Variants in ZNF521 observed in about 807,000 individuals in gnomAD.
ZNF521 encodes LYST-interacting protein 3.
In ZNF521, 14 loss-of-function variants were observed where a neutral mutation model predicts 105.5. That is an observed-to-expected ratio of 0.13 (90% CI 0.09 to 0.21). The LOEUF is 0.21. Among genes scored for constraint, ZNF521 ranks in the 10% least tolerant of loss-of-function variants. The pLI is 1.00. For missense variants in ZNF521, 1,233 were observed against 1,629.7 expected, an observed-to-expected ratio of 0.76 and a Z score of 4.19; for synonymous variants, 635 against 606.0, an observed-to-expected ratio of 1.05 and a Z score of -0.70.
chr18:25,176,748 G>C (rs1860997301), intron 5 of ZNF521, among the ~76,000 whole-genome samples: 1 of 152,228 alleles, frequency 6.6e-6, no homozygotes, highest in African/African-American at 2.4e-5. Context: ...GATTACACCA[G>C]CTTGCCCAAG....
chr18:25,265,559 T>A (rs549935368), intron 3 of ZNF521, among the ~76,000 whole-genome samples: 1 of 152,274 alleles, frequency 6.6e-6, no homozygotes, highest in East Asian at 1.9e-4. Context: ...CATTCTCACA[T>A]CCTGTTCCCT....
intron 5 of ZNF521, among the ~76,000 whole-genome samples, chr18:25,118,326 C>G (rs924484605): frequency 1.3e-5 from 2 of 151,870 alleles, no homozygotes; most frequent in Admixed American, 1.3e-4. Context: ...CAGATGAAAG[C>G]TTGGGTCTTC....
chr18:25,310,310 G>A (rs1912227511), intron 3 of ZNF521, among the ~76,000 whole-genome samples: 1 of 152,086 alleles, frequency 6.6e-6, no homozygotes, highest in South Asian at 2.1e-4. Flanking sequence ...AAAGGTTGAA[G>A]TTAAGGAAGC....
At position 25,349,740 on chromosome 18, in the gene ZNF521, G is replaced by A. The variant is rs1315924000; in HGVS notation, c.40+1167C>T. 2.0e-5 allele frequency among the ~76,000 whole-genome samples: 3 copies of A among 151,114 alleles called. No homozygotes were observed. In the East Asian group the frequency reaches 5.8e-4, roughly 29 times the overall value. On this transcript the variant is annotated intron_variant, in intron 2 of 7. Transcript: ENST00000361524. ...AGGAAGAGGATGCTGCGCCGCCGGGGACCAGAGGGCGGGGCCGGGCCGCGC... is the reference window on the plus strand; with the variant it reads ...AGGAAGAGGATGCTGCGCCGCCGGGAACCAGAGGGCGGGGCCGGGCCGCGC...
chr18:25,103,792 AAGGGAGGG>A (rs1257635709), intron 5 of ZNF521, among the ~76,000 whole-genome samples: 2 of 48,062 alleles, frequency 4.2e-5, no homozygotes, highest in Admixed American at 3.7e-4. Context: ...GAGAGGAAGG[AAGGGAGGG>A]AGGGAGGGAG....
chr18:25,083,967 G>A (rs2033564403), intron 7 of ZNF521, among the ~76,000 whole-genome samples: 1 of 107,630 alleles, frequency 9.3e-6, no homozygotes. Context: ...TTTTTTGGTA[G>A]AGATGAGGCT....
At chr18:25,153,869 T>C (rs1228802321) in intron 5 of ZNF521, among the ~76,000 whole-genome samples, 1 of 152,174 alleles carries the variant, frequency 6.6e-6, no homozygotes, top group Non-Finnish European at 1.5e-5. Context: ...CCAGTCGTAA[T>C]ATCAAGAACA....
chr18:25,117,058 C>T (rs200829094), intron 5 of ZNF521, among the ~76,000 whole-genome samples: 6 of 10,306 alleles, frequency 5.8e-4, no homozygotes, highest in Admixed American at 5.6e-3. Context: ...TATATATACA[C>T]ACACACACAC....
chr18:25,313,134 G>C (rs1028800281), intron 3 of ZNF521, among the ~76,000 whole-genome samples: 20 of 152,288 alleles, frequency 1.3e-4, no homozygotes, highest in Non-Finnish European at 2.4e-4. Flanking sequence ...GTACTAACCA[G>C]ACCTTCCTGA....
intron 7 of ZNF521, 123 bp downstream of exon 7, chr18:25,089,342 A>G (rs1042252497): frequency 6.3e-5 from 46 of 731,600 alleles, no homozygotes; most frequent in African/African-American, 4.6e-4. Flanking sequence ...TTTGCCCCCA[A>G]TACACACAAA....
intron 2 of ZNF521, among the ~76,000 whole-genome samples, chr18:25,330,981 C>T (rs1394286165): frequency 6.6e-6 from 1 of 152,180 alleles, no homozygotes; most frequent in African/African-American, 2.4e-5. Context: ...AGATGAAGGG[C>T]TTAAAGTAAA....
intron 3 of ZNF521, chr18:25,301,917 G>C (rs1271157071): frequency 2.6e-5 from 4 of 152,182 alleles, no homozygotes; most frequent in Non-Finnish European, 5.9e-5. Flanking sequence ...ACAGCTTGTG[G>C]TGTGATTCAT....
chr18:25,246,623 C>T (rs1176538694), intron 3 of ZNF521, among the ~76,000 whole-genome samples: 6 of 152,208 alleles, frequency 3.9e-5, no homozygotes, highest in Non-Finnish European at 8.8e-5. Context: ...CACCACCCTC[C>T]ACCCTCTCTT....
At chr18:25,166,845 T>G (rs1405936485) in intron 5 of ZNF521, among the ~76,000 whole-genome samples, 1 of 152,232 alleles carries the variant, frequency 6.6e-6, no homozygotes, top group Non-Finnish European at 1.5e-5. Flanking sequence ...TATAACTGTA[T>G]GATTACTGGT....
intron 7 of ZNF521, among the ~76,000 whole-genome samples, chr18:25,078,609 T>C (rs2033419927): frequency 6.6e-6 from 1 of 152,202 alleles, no homozygotes; most frequent in South Asian, 2.1e-4. Flanking sequence ...GTCTAAGGCA[T>C]AAAAAGGCCA....
intron 2 of ZNF521, among the ~76,000 whole-genome samples, chr18:25,349,705 G>C (rs553548862): frequency 1.3e-5 from 2 of 151,540 alleles, no homozygotes; most frequent in African/African-American, 4.8e-5. Context: ...GCCGCGGCCC[G>C]GCAGCCAGGA....
chr18:25,132,156 G>A (rs754513142), intron 5 of ZNF521, among the ~76,000 whole-genome samples: 1 of 152,124 alleles, frequency 6.6e-6, no homozygotes, highest in Non-Finnish European at 1.5e-5. Context: ...GTGTGAAACG[G>A]GAGTACTGGG....
chr18:25,143,162 C>CTT (rs199923169), intron 5 of ZNF521, among the ~76,000 whole-genome samples: 6 of 151,920 alleles, frequency 3.9e-5, no homozygotes, highest in Admixed American at 3.9e-4. Flanking sequence ...CATTTATACT[C>CTT]TTTTTTTTAG....
chr18:25,216,641 C>T (rs1483257393), intron 4 of ZNF521, among the ~76,000 whole-genome samples: 1 of 152,170 alleles, frequency 6.6e-6, no homozygotes, highest in African/African-American at 2.4e-5. Flanking sequence ...TCACTGCAGC[C>T]TTGAGCTCCT....
Sources: gnomAD v4.1 joint callset for allele counts (sites outside exome capture counted in the v4.1 genomes callset) on GRCh38, gnomAD v4.1.1 for gene constraint, MANE v1.5 for transcripts, NCBI Gene and HGNC (gene_info 2026-07-23, HGNC 2026-07-21) for gene names.